Variants in GRIN2A observed in about 807,000 individuals in gnomAD.
The protein encoded by GRIN2A is glutamate ionotropic receptor NMDA type subunit 2A, also known as glutamate receptor ionotropic, NMDA 2A.
In GRIN2A, 22 loss-of-function variants were observed where a neutral mutation model predicts 113.4. The observed-to-expected ratio is 0.19, with a 90% CI of 0.14 to 0.28. The LOEUF is 0.28. Among genes scored for constraint, GRIN2A ranks in the 10% least tolerant of loss-of-function variants. GRIN2A has a pLI of 1.00. For synonymous variants in GRIN2A, 827 were observed against 738.4 expected (o/e 1.12, Z -1.94); for missense variants, 1,502 against 1,887.0 (o/e 0.80, Z 3.78).
chr16:9,784,165 C>A (rs1235618932), intron 11 of GRIN2A, among the ~76,000 whole-genome samples: 4 of 152,084 alleles, frequency 2.6e-5, no homozygotes, highest in African/African-American at 9.7e-5. Flanking sequence ...TGTGGTGGCT[C>A]ACAGCTCTAA....
intron 2 of GRIN2A, among the ~76,000 whole-genome samples, chr16:10,136,324 G>A (rs1276956660): frequency 6.6e-6 from 1 of 152,078 alleles, no homozygotes; most frequent in African/African-American, 2.4e-5. Flanking sequence ...AAATCCAAGA[G>A]TAAATCTCCA....
intron 8 of GRIN2A, among the ~76,000 whole-genome samples, chr16:9,830,429 C>T (rs996901069): frequency 7.0e-5 from 10 of 142,950 alleles, no homozygotes; most frequent in African/African-American, 2.6e-4. Context: ...GGGGCATATG[C>T]AGGCTGTAAA....
At chr16:9,915,453 T>C (rs997780743) in intron 3 of GRIN2A, among the ~76,000 whole-genome samples, 2 of 152,220 alleles carry the variant, frequency 1.3e-5, no homozygotes, top group Non-Finnish European at 2.9e-5. Flanking sequence ...CAAGTATTTT[T>C]CTGTGAAAGC....
chr16:10,052,699 T>G (rs2047379751), intron 2 of GRIN2A, among the ~76,000 whole-genome samples: 1 of 152,084 alleles, frequency 6.6e-6, no homozygotes, highest in Non-Finnish European at 1.5e-5. Flanking sequence ...TAGAGCAAAT[T>G]CCACCCAAAC....
At position 9,938,227 on chromosome 16, in the gene GRIN2A, C is replaced by T. The variant is rs2044762007; in HGVS notation, c.739G>A (p.Gly247Ser). Reference protein sequence around the residue: ...VLILSEARSLGLTGYDFFWIV... With the variant: ...VLILSEARSLSLTGYDFFWIV... The stretch of plus-strand genomic sequence containing the variant: ...CAGAAGAAATCATACCCGGTGAGGC[C>T]AAGGGAGCGGGCCTCACTCAGAATG... The change falls in exon 3 of 13, where the codon GGC (glycine) becomes AGC (serine). Residue 247 changes from glycine (G) to serine (S), a missense_variant. Physicochemically the swap from Gly to Ser is moderately conservative, Grantham distance 56. Coordinates refer to ENST00000330684, the MANE Select transcript of GRIN2A (RefSeq NM_001134407.3). 6.2e-7 allele frequency: 1 copy of T among 1,614,012 alleles called. No individual in the cohort carries two copies. Among genetic ancestry groups the T allele is most frequent in the Non-Finnish European group, 8.5e-7 (1 of 1,179,924 alleles).
At chr16:10,045,863 C>G (rs1391015083) in intron 2 of GRIN2A, among the ~76,000 whole-genome samples, 1 of 152,144 alleles carries the variant, frequency 6.6e-6, no homozygotes, top group African/African-American at 2.4e-5. Context: ...TTGCCCTATG[C>G]CAGGGTTTCT....
intron 10 of GRIN2A, among the ~76,000 whole-genome samples, chr16:9,820,139 C>A (rs574462005): frequency 6.6e-6 from 1 of 152,074 alleles, no homozygotes; most frequent in South Asian, 2.1e-4. Context: ...CATTTCTCTC[C>A]TTTTTGCTAT....
intron 3 of GRIN2A, among the ~76,000 whole-genome samples, chr16:9,933,822 A>C (rs1303925336): frequency 6.6e-6 from 1 of 152,256 alleles, no homozygotes; most frequent in Non-Finnish European, 1.5e-5. Flanking sequence ...CAATAAAATA[A>C]ATGCAATTGA....
intron 5 of GRIN2A, among the ~76,000 whole-genome samples, chr16:9,846,585 C>A (rs1222808742): frequency 2.0e-5 from 3 of 152,068 alleles, no homozygotes; most frequent in African/African-American, 7.2e-5. Flanking sequence ...TCATGCTGTG[C>A]CCTTGTAACT....
At chr16:10,095,432 G>C (rs2048269238) in intron 2 of GRIN2A, among the ~76,000 whole-genome samples, 1 of 152,090 alleles carries the variant, frequency 6.6e-6, no homozygotes, top group Non-Finnish European at 1.5e-5. Flanking sequence ...GTAAAATTAA[G>C]AATCTTGAGC....
At chr16:10,103,620 T>C (rs890443659) in intron 2 of GRIN2A, among the ~76,000 whole-genome samples, 5 of 152,184 alleles carry the variant, frequency 3.3e-5, no homozygotes, top group African/African-American at 1.2e-4. Flanking sequence ...CCAGAAGTCC[T>C]AATAACCTCA....
At chr16:10,018,670 G>A (rs981351868) in intron 2 of GRIN2A, among the ~76,000 whole-genome samples, 33 of 152,090 alleles carry the variant, frequency 2.2e-4, no homozygotes, top group Non-Finnish European at 3.2e-4. Context: ...CTGGTGCCAC[G>A]GCACTCACAG....
intron 3 of GRIN2A, among the ~76,000 whole-genome samples, chr16:9,913,306 G>T (rs1022314167): frequency 2.0e-5 from 3 of 152,132 alleles, no homozygotes; most frequent in Non-Finnish European, 2.9e-5. Flanking sequence ...GTAGATATGG[G>T]TGCTCTATTT....
chr16:10,080,476 T>C (rs1243462874), intron 2 of GRIN2A, among the ~76,000 whole-genome samples: 1 of 152,112 alleles, frequency 6.6e-6, no homozygotes, highest in East Asian at 1.9e-4. Flanking sequence ...CCTCTGTGGG[T>C]GCCAAACTTC....
chr16:9,955,357 C>T (rs1486472028), intron 2 of GRIN2A, among the ~76,000 whole-genome samples: 1 of 152,198 alleles, frequency 6.6e-6, no homozygotes, highest in African/African-American at 2.4e-5. Context: ...CTTACCTTCT[C>T]TGTCCAACTC....
At chr16:9,782,591 T>A (rs964707733) in intron 11 of GRIN2A, among the ~76,000 whole-genome samples, 1 of 152,254 alleles carries the variant, frequency 6.6e-6, no homozygotes, top group Non-Finnish European at 1.5e-5. Context: ...TCCACTTTGA[T>A]GGTTCTCTTG....
intron 4 of GRIN2A, among the ~76,000 whole-genome samples, chr16:9,887,691 A>G (rs1248320205): frequency 6.6e-6 from 1 of 152,222 alleles, no homozygotes; most frequent in Non-Finnish European, 1.5e-5. Context: ...GGGATAAATA[A>G]CTAGGAGTAA....
At chr16:9,938,687 C>A in intron 2 of GRIN2A, 136 bp from the exon 3 acceptor site, 2 of 700,294 alleles carry the variant, frequency 2.9e-6, no homozygotes, top group South Asian at 1.6e-5. Context: ...CTACTATATC[C>A]CAGACTCCAG....
chr16:9,892,876 G>C (rs2043723419), intron 3 of GRIN2A, among the ~76,000 whole-genome samples: 1 of 138,634 alleles, frequency 7.2e-6, no homozygotes, highest in South Asian at 2.3e-4. Flanking sequence ...GACTTCCCCA[G>C]AAAGATACTG....
Sources: allele counts gnomAD v4.1 joint callset (sites outside exome capture counted in the v4.1 genomes callset), GRCh38; gene constraint gnomAD v4.1.1; transcripts MANE v1.5; gene names NCBI Gene and HGNC (gene_info 2026-07-23, HGNC 2026-07-21).